PHF20L1: variants seen among roughly 807,000 people sequenced by gnomAD.
PHF20L1 encodes the protein PHD finger protein 20 like 1, also known as PHD finger protein 20-like protein 1.
PHF20L1 carries 44 observed loss-of-function variants against 125.5 expected under a neutral mutation model. The ratio of observed to expected loss-of-function variants is 0.35; its 90% CI spans 0.28 to 0.45. The LOEUF is 0.45. Among genes scored for constraint, PHF20L1 ranks in the 20% least tolerant of loss-of-function variants. The probability of loss-of-function intolerance (pLI) is 1.00; values close to 1 mark genes in which losing one functional copy is unlikely to be tolerated. For missense variants in PHF20L1, 1,012 were observed against 1,217.2 expected, an observed-to-expected ratio of 0.83 and a Z score of 2.51; for synonymous variants, 380 against 403.1, an observed-to-expected ratio of 0.94 and a Z score of 0.69.
rs116334940 is a variant in PHF20L1 at position 132,844,365 on chromosome 8, G to A, written c.2911+47G>A. The A allele has an allele frequency of 1.5e-4, 224 of 1,445,908 alleles. 1 individual carries two copies. In the African/African-American group the frequency reaches 2.6e-3, roughly 17 times the overall value. 89.6% of individuals were successfully genotyped at this position (1,445,908 alleles called of 1,614,324 possible). A position where few individuals can be genotyped will look rare whatever the true frequency, so the allele number is the denominator to read the frequency against. Reference sequence around the variant, plus strand: ...ATACAGTTACTATAGTGAATTTATTGTTACTATGAAGAAGTTACTTAAAAT... The same window carrying A: ...ATACAGTTACTATAGTGAATTTATTATTACTATGAAGAAGTTACTTAAAAT... On this transcript the variant is annotated intron_variant, in intron 20 of 20. Transcript: ENST00000395386.
Position 132,839,409 on chromosome 8 carries a change from T to C in PHF20L1, c.2214T>C (p.Tyr738=), listed in dbSNP as rs766574392. 1.7e-5 allele frequency: 27 copies of C among 1,612,876 alleles called. No individual in the cohort carries two copies. Among genetic ancestry groups the C allele is most frequent in the South Asian group, 1.5e-4 (14 of 91,040 alleles). ...DPPGQRWSAK[Y]RYDKEWLNNG... Reference sequence around the variant, plus strand: ...CAGGTCAGAGGTGGAGTGCAAAATATCGTTATGATAAGGAGTGGTTGAATA... The same window carrying C: ...CAGGTCAGAGGTGGAGTGCAAAATACCGTTATGATAAGGAGTGGTTGAATA... Residue 738 remains tyrosine (Y), a synonymous_variant, in exon 18 of 21, where the codon TAT becomes TAC. Transcript: ENST00000395386.
intron 13 of PHF20L1, 170 bp downstream of exon 13, chr8:132,824,230 A>G (rs1225233676): frequency 1.4e-5 from 6 of 434,180 alleles, no homozygotes; most frequent in Non-Finnish European, 2.1e-5. Context: ...TATTAAACAC[A>G]TATCTTGTTT....
intron 2 of PHF20L1, among the ~76,000 whole-genome samples, chr8:132,784,520 A>G (rs1197542645): frequency 6.6e-6 from 1 of 151,968 alleles, no homozygotes; most frequent in Non-Finnish European, 1.5e-5. Context: ...TTTTTAAATC[A>G]TACTTTTAGA....
chr8:132,793,429 T>G (rs1471637000), intron 2 of PHF20L1, among the ~76,000 whole-genome samples: 1 of 152,182 alleles, frequency 6.6e-6, no homozygotes, highest in Non-Finnish European at 1.5e-5. Flanking sequence ...TTATATAAAG[T>G]CCATTGTACT....
intron 2 of PHF20L1, among the ~76,000 whole-genome samples, 196 bp from the exon 3 acceptor site, chr8:132,794,214 G>T (rs770312649): frequency 1.4e-4 from 21 of 152,232 alleles, no homozygotes; most frequent in Non-Finnish European, 2.5e-4. Flanking sequence ...GTATCAAGGA[G>T]TTTATTCAGA....
intron 15 of PHF20L1, among the ~76,000 whole-genome samples, chr8:132,835,724 T>C (rs1220318125): frequency 6.6e-6 from 1 of 152,158 alleles, no homozygotes; most frequent in African/African-American, 2.4e-5. Flanking sequence ...TAAGAAATAC[T>C]GGTAAAGTCA....
At position 132,844,153 on chromosome 8, in the gene PHF20L1, A is replaced by G. The variant is rs1563860402; in HGVS notation, c.2749-3A>G. 1 of 1,611,810 alleles carries G rather than the reference A, an allele frequency of 6.2e-7. No homozygotes were observed. Among genetic ancestry groups the G allele is most frequent in the East Asian group, 2.2e-5 (1 of 44,852 alleles). Reference sequence around the variant, plus strand: ...TTTATTTTCCAATGGTCCTTTGGAGAAGAATCCAGCTGAAGGGAATACAGT... The same window carrying G: ...TTTATTTTCCAATGGTCCTTTGGAGGAGAATCCAGCTGAAGGGAATACAGT... On this transcript the variant is annotated splice_region_variant and splice_polypyrimidine_tract_variant and intron_variant, in intron 19 of 20. Transcript: ENST00000395386.
chr8:132,845,007 C>T (rs1403604979), intron 20 of PHF20L1, among the ~76,000 whole-genome samples: 4 of 151,948 alleles, frequency 2.6e-5, no homozygotes, highest in African/African-American at 9.7e-5. Context: ...AGTTAGAGCT[C>T]CTACTCCTTT....
rs1346965095 is a variant in PHF20L1, at chr8:132,794,540, G to T, written c.214G>T (p.Ala72Ser). ...TAGATTGCGACCCCTTGAGAGACCA[G>T]CACTAAGAAAAGAAGGGCTAAAAGA... The part of the protein sequence containing the change: ...SNRLRPLERP[A>S]LRKEGLKDEE... Residue 72 changes from alanine (A) to serine (S), a missense_variant, in exon 3 of 21, where the codon GCA (alanine) becomes TCA (serine). By Grantham distance (99) the Ala-to-Ser change is moderately conservative. Around this residue, in one of 7 missense-constraint regions of PHF20L1, gnomAD observed 94 missense variants for 179.5 expected, o/e 0.52. Transcript: ENST00000395386. The T allele has an allele frequency of 9.3e-6, 15 of 1,611,816 alleles. No homozygotes were observed. The highest frequency in any genetic ancestry group is 1.2e-5 in the Non-Finnish European group (14 of 1,178,714).
intron 2 of PHF20L1, among the ~76,000 whole-genome samples, chr8:132,778,804 T>C (rs1192098903): frequency 2.0e-5 from 3 of 152,146 alleles, no homozygotes; most frequent in Non-Finnish European, 2.9e-5. Context: ...ATTAGAGGGG[T>C]TCCGCTTCTG....
chr8:132,830,002 AC>A (rs1424508846), intron 14 of PHF20L1, among the ~76,000 whole-genome samples: 2 of 152,086 alleles, frequency 1.3e-5, no homozygotes, highest in African/African-American at 4.8e-5. Flanking sequence ...AAATTACTGC[AC>A]ATCAGTGGTT....
In PHF20L1 at chr8:132,844,283, C is replaced by T; in HGVS notation, c.2876C>T (p.Thr959Ile). ...ATAGAAAATGTGCAGAACGAAGTTA[C>T]CAGCAGGATGGACCTAATAGAAAAA... ...THIENVQNEV[T>I]SRMDLIEKEV... is the part of the protein sequence containing the mutation. The change falls in exon 20 of 21, where the codon ACC (threonine) becomes ATC (isoleucine). Residue 959 changes from threonine to isoleucine, a missense_variant. Coordinates refer to ENST00000395386, the MANE Select transcript of PHF20L1 (RefSeq NM_016018.5). The T allele has an allele frequency of 1.2e-6, 2 of 1,612,090 alleles. No individual in the cohort carries two copies. The highest frequency in any genetic ancestry group is 1.7e-6 in the Non-Finnish European group (2 of 1,178,716).
chr8:132,845,342 T>G (rs1838327479), intron 20 of PHF20L1, among the ~76,000 whole-genome samples: 1 of 152,038 alleles, frequency 6.6e-6, no homozygotes, highest in Non-Finnish European at 1.5e-5. Flanking sequence ...GCTTCTGGAT[T>G]AAAAAATATG....
chr8:132,791,147 G>A (rs1215368080), intron 2 of PHF20L1, among the ~76,000 whole-genome samples: 4 of 150,606 alleles, frequency 2.7e-5, no homozygotes, highest in African/African-American at 9.7e-5. Flanking sequence ...CACTCAATAA[G>A]TAAAAAACAC....
rs1305178152 is a variant in PHF20L1, at chr8:132,775,484, T to C, written c.-199T>C. 3 of 376,874 alleles carry C rather than the reference T, an allele frequency of 8.0e-6. No homozygotes were observed. The highest frequency in any genetic ancestry group is 1.3e-4 in the South Asian group (1 of 7,740). The allele number at this position is 376,874 out of a possible 1,614,324, so 23.3% of individuals were successfully genotyped here. A position where few individuals can be genotyped will look rare whatever the true frequency, so the allele number is the denominator to read the frequency against. ...GGACCCAGCTCCCTCCCGCGAAACC[T>C]TGGGCGGATCCGGCGCTGCGGCCCC... On this transcript the variant is annotated 5_prime_UTR_variant, in exon 1 of 21. Transcript: ENST00000395386.
chr8:132,817,082 G>T lies in PHF20L1; in HGVS notation c.1372+6G>T, dbSNP rs1028632873. ...AGAATCTTCAGTACCAGAGGGTAAT[G>T]TATATTGATTTCCTATAGAACCAAA... On this transcript the variant is annotated splice_donor_region_variant and intron_variant, in intron 11 of 20. Transcript: ENST00000395386. 2.7e-6 allele frequency: 4 copies of T among 1,496,650 alleles called. No homozygotes were observed. The highest frequency in any genetic ancestry group is 2.7e-6 in the Non-Finnish European group (3 of 1,111,454). 92.7% of individuals were successfully genotyped at this position (1,496,650 alleles called of 1,614,324 possible).
At chr8:132,816,387 T>A (rs928600810) in intron 10 of PHF20L1, 4 of 151,822 alleles carry the variant, frequency 2.6e-5, no homozygotes, top group African/African-American at 9.7e-5. Context: ...GGGGGGATGA[T>A]GATGGGATAA....
intron 16 of PHF20L1, among the ~76,000 whole-genome samples, chr8:132,837,419 G>T (rs1197579310): frequency 2.0e-5 from 3 of 152,030 alleles, no homozygotes; most frequent in Non-Finnish European, 4.4e-5. Flanking sequence ...AGAGTTTTAT[G>T]ATATGATTGC....
chr8:132,811,230 G>A (rs1338448968), intron 9 of PHF20L1, 102 bp downstream of exon 9: 2 of 1,535,252 alleles, frequency 1.3e-6, no homozygotes, highest in Non-Finnish European at 1.8e-6. Flanking sequence ...TCAGATATGG[G>A]AATAGGAAGC....
Sources: allele counts gnomAD v4.1 joint callset (sites outside exome capture counted in the v4.1 genomes callset), GRCh38; gene constraint gnomAD v4.1.1; regional missense constraint gnomAD v4.1.1; transcripts MANE v1.5; gene names NCBI Gene and HGNC (gene_info 2026-07-23, HGNC 2026-07-21).